DOCK3: variants seen among roughly 807,000 people sequenced by gnomAD.
The protein encoded by DOCK3 is dedicator of cytokinesis protein 3.
In DOCK3, 60 loss-of-function variants were observed where a neutral mutation model predicts 265.6. That is an observed-to-expected ratio of 0.23 (90% CI 0.18 to 0.28). The LOEUF is 0.28. DOCK3 is among the 10% of genes least tolerant of loss of function. DOCK3 has a pLI of 1.00. For synonymous variants in DOCK3, 881 were observed against 938.0 expected (o/e 0.94, Z 1.11); for missense variants, 1,981 against 2,594.3 (o/e 0.76, Z 5.14).
At chr3:50,793,831 A>T (rs1457596925) in intron 2 of DOCK3, among the ~76,000 whole-genome samples, 1 of 152,090 alleles carries the variant, frequency 6.6e-6, no homozygotes, top group Non-Finnish European at 1.5e-5. Context: ...TTGTGATGTT[A>T]GATTGAGACA....
At chr3:50,907,878 A>T (rs1229994380) in intron 4 of DOCK3, among the ~76,000 whole-genome samples, 1 of 151,952 alleles carries the variant, frequency 6.6e-6, no homozygotes, top group Admixed American at 6.6e-5. Context: ...TAGGCTATTT[A>T]TTACTGCCTC....
intron 3 of DOCK3, among the ~76,000 whole-genome samples, chr3:50,881,698 A>T (rs977387806): frequency 2.0e-5 from 3 of 152,206 alleles, no homozygotes; most frequent in Non-Finnish European, 4.4e-5. Flanking sequence ...GCCCAAGGTA[A>T]TTTATAGATT....
At chr3:51,271,887 C>CT (rs2080519959) in intron 24 of DOCK3, among the ~76,000 whole-genome samples, 2 of 151,560 alleles carry the variant, frequency 1.3e-5, no homozygotes, top group Non-Finnish European at 2.9e-5. Context: ...GAAAGGGGCC[C>CT]TGAGGACCCT....
chr3:50,904,140 A>G (rs2049347725), intron 4 of DOCK3, among the ~76,000 whole-genome samples: 1 of 152,078 alleles, frequency 6.6e-6, no homozygotes, highest in Admixed American at 6.6e-5. Context: ...TATGTGCCAC[A>G]TTTTCTTAAT....
At chr3:51,139,483 T>A (rs947695333) in intron 9 of DOCK3, among the ~76,000 whole-genome samples, 4 of 152,176 alleles carry the variant, frequency 2.6e-5, no homozygotes, top group African/African-American at 9.7e-5. Context: ...ATGGTGACCC[T>A]CATTAGCAAA....
At chr3:51,067,452 T>TGTGTGTGTGC (rs2081637646) in intron 6 of DOCK3, among the ~76,000 whole-genome samples, 1 of 151,040 alleles carries the variant, frequency 6.6e-6, no homozygotes, top group Non-Finnish European at 1.5e-5. Flanking sequence ...TGTGTGTGTG[T>TGTGTGTGTGC]GTGTGCGCGC....
chr3:50,994,547 A>C (rs972838491), intron 5 of DOCK3, among the ~76,000 whole-genome samples: 2 of 152,240 alleles, frequency 1.3e-5, no homozygotes, highest in African/African-American at 4.8e-5. Flanking sequence ...AAAGCCTAAG[A>C]ATGGGAAAAG....
At chr3:50,827,458 A>G (rs966774123) in intron 2 of DOCK3, among the ~76,000 whole-genome samples, 1 of 152,186 alleles carries the variant, frequency 6.6e-6, no homozygotes, top group African/African-American at 2.4e-5. Context: ...TTATAAGGGC[A>G]TTAATCCTGT....
chr3:51,030,168 G>A (rs2108946796), intron 5 of DOCK3, among the ~76,000 whole-genome samples: 1 of 152,180 alleles, frequency 6.6e-6, no homozygotes, highest in Non-Finnish European at 1.5e-5. Context: ...ACAAGTCCTG[G>A]CTCTCCACCT....
intron 14 of DOCK3, among the ~76,000 whole-genome samples, chr3:51,218,098 AC>A (rs1250595583): frequency 6.6e-6 from 1 of 151,946 alleles, no homozygotes; most frequent in Non-Finnish European, 1.5e-5. Context: ...AGCCTGGATG[AC>A]AGCGAGACCC....
chr3:50,998,359 A>C (rs2108666971), intron 5 of DOCK3, among the ~76,000 whole-genome samples: 1 of 152,316 alleles, frequency 6.6e-6, no homozygotes. Context: ...AGAATCTCTG[A>C]AGATGGGGCC....
chr3:51,229,034 C>T (rs1282280959), intron 18 of DOCK3, among the ~76,000 whole-genome samples: 1 of 152,206 alleles, frequency 6.6e-6, no homozygotes, highest in Non-Finnish European at 1.5e-5. Flanking sequence ...ACAGTACATC[C>T]AGAGTTTACA....
intron 49 of DOCK3, among the ~76,000 whole-genome samples, chr3:51,372,955 C>T (rs117314581): frequency 2.0e-5 from 3 of 152,156 alleles, no homozygotes; most frequent in African/African-American, 7.2e-5. Flanking sequence ...TTTTAAAAAT[C>T]ATATTTTAGT....
rs1255988301 is a variant in DOCK3, at chr3:50,970,980, T to A, written c.315+36903T>A. 8.5e-3 allele frequency among the ~76,000 whole-genome samples: 66 copies of A among 7,794 alleles called. 2 individuals carry two copies. Among genetic ancestry groups the A allele is most frequent in the East Asian group, 0.05 (3 of 60 alleles). 5.1% of individuals were successfully genotyped at this position (7,794 alleles called of 152,430 possible). Reference sequence around the variant, plus strand: ...TGTGTGTGTGTGTATATATATATATTTTTTTTATTTTAATTTTTAATTTTT... The same window carrying A: ...TGTGTGTGTGTGTATATATATATATATTTTTTATTTTAATTTTTAATTTTT... On this transcript the variant is annotated intron_variant, in intron 5 of 52. Coordinates refer to ENST00000266037, the MANE Select transcript of DOCK3 (RefSeq NM_004947.5).
At chr3:51,347,068 A>C (rs1055632346) in intron 38 of DOCK3, among the ~76,000 whole-genome samples, 1 of 152,172 alleles carries the variant, frequency 6.6e-6, no homozygotes, top group Admixed American at 6.5e-5. Flanking sequence ...GATTGTAAAA[A>C]TATTCTCCCA....
intron 9 of DOCK3, among the ~76,000 whole-genome samples, chr3:51,108,657 G>A (rs185095535): frequency 6.6e-6 from 1 of 152,256 alleles, no homozygotes; most frequent in East Asian, 1.9e-4. Context: ...CACATTCATT[G>A]ATACCCATAG....
At chr3:50,991,265 A>C (rs1233176642) in intron 5 of DOCK3, among the ~76,000 whole-genome samples, 2 of 152,222 alleles carry the variant, frequency 1.3e-5, no homozygotes, top group Non-Finnish European at 1.5e-5. Context: ...CCTTGAATGT[A>C]AACAGTCTAA....
At chr3:51,170,667 G>A (rs907162797) in intron 12 of DOCK3, among the ~76,000 whole-genome samples, 12 of 151,956 alleles carry the variant, frequency 7.9e-5, no homozygotes, top group East Asian at 1.9e-4. Context: ...TTTGTCAGCC[G>A]GGCGCGGTGG....
intron 3 of DOCK3, among the ~76,000 whole-genome samples, chr3:50,856,441 T>G (rs2046599846): frequency 6.6e-6 from 1 of 152,136 alleles, no homozygotes; most frequent in Non-Finnish European, 1.5e-5. Flanking sequence ...ATCAGTGATG[T>G]TGGGCTTTTT....
Sources: allele counts gnomAD v4.1 joint callset (sites outside exome capture counted in the v4.1 genomes callset), GRCh38; gene constraint gnomAD v4.1.1; transcripts MANE v1.5; gene names NCBI Gene and HGNC (gene_info 2026-07-23, HGNC 2026-07-21).